SHOC1: variants seen among roughly 807,000 people sequenced by gnomAD.
SHOC1 encodes the protein shortage in chiasmata 1.
In SHOC1, 136 loss-of-function variants were observed where a neutral mutation model predicts 179.2. The ratio of observed to expected loss-of-function variants is 0.76; its 90% CI spans 0.66 to 0.87. The LOEUF is 0.87. Among genes scored for constraint, SHOC1 ranks in the 40% least tolerant of loss-of-function variants. The pLI, the probability that SHOC1 is intolerant of heterozygous loss-of-function variation, is 0.00. For missense variants in SHOC1, 1,538 were observed against 1,700.8 expected (o/e 0.90, Z 1.68); for synonymous variants, 489 against 586.6 (o/e 0.83, Z 2.41).
At chr9:111,710,675 G>T (rs11795136) in intron 18 of SHOC1, among the ~76,000 whole-genome samples, 29,376 of 151,988 alleles carry the variant, frequency 0.19, 2,990 homozygotes, top group Non-Finnish European at 0.22. Context: ...GTGGGAAGTG[G>T]TGCCTTAGAA....
At chr9:111,694,623 G>A (rs1831606942) in intron 24 of SHOC1, among the ~76,000 whole-genome samples, 1 of 151,812 alleles carries the variant, frequency 6.6e-6, no homozygotes, top group Non-Finnish European at 1.5e-5. Context: ...TTTATTAACA[G>A]AGTCATTAAA....
At chr9:111,747,953 G>GA (rs1419816437) in intron 9 of SHOC1, 139 bp downstream of exon 9, 32 of 531,726 alleles carry the variant, frequency 6.0e-5, no homozygotes, top group Admixed American at 4.6e-4. Flanking sequence ...GAGCAAATAA[G>GA]AAAAAATGAC....
chr9:111,789,053 C>T (rs1305410272), intron 2 of SHOC1, among the ~76,000 whole-genome samples: 1 of 152,222 alleles, frequency 6.6e-6, no homozygotes. Flanking sequence ...AACAATATCT[C>T]TTCTATGAAG....
Position 111,692,420 on chromosome 9 carries a change from TG to T in SHOC1, c.3556del (p.Gln1186ArgfsTer14). 1 of 1,611,760 alleles carries T rather than the reference TG, an allele frequency of 6.2e-7. No individual in the cohort carries two copies. The highest frequency in any genetic ancestry group is 8.5e-7 in the Non-Finnish European group (1 of 1,178,898). On this transcript the variant is annotated frameshift_variant, in exon 27 of 28. Coordinates refer to ENST00000682961, the MANE Select transcript of SHOC1 (RefSeq NM_001378211.1). LOFTEE classifies it high-confidence loss of function. ...QISSPQENRNQISTLSSQSSA... is the reference protein window; with the variant it reads ...QISSPQENRNXISTLSSQSSA... ...ACTTTGAGAAGACAAGGTACTAATC[TG>T]ATTCCTATTTTCCTGAGGTGACGAA...
chr9:111,758,196 C>A lies in SHOC1; in HGVS notation c.597-1G>T. 1 of 1,514,796 alleles carries A rather than the reference C, an allele frequency of 6.6e-7. No homozygotes were observed. Among genetic ancestry groups the A allele is most frequent in the East Asian group, 2.3e-5 (1 of 43,656 alleles). 93.8% of individuals were successfully genotyped at this position (1,514,796 alleles called of 1,614,324 possible). ...AGTTTCTTGAAGAGAGAAACATTCCCTTAAAAAAAAATACATTAATTAGTG... is the reference window on the plus strand; with the variant it reads ...AGTTTCTTGAAGAGAGAAACATTCCATTAAAAAAAAATACATTAATTAGTG... On this transcript the variant is annotated splice_acceptor_variant, in intron 6 of 27. Transcript: ENST00000682961. LOFTEE classifies it high-confidence loss of function.
In SHOC1 at chr9:111,736,608, A is replaced by G. The variant is rs140482251; in HGVS notation, c.1417+1672T>C. Among the ~76,000 whole-genome samples, 646 of 152,330 alleles carry G rather than the reference A, an allele frequency of 4.2e-3. 15 individuals carry two copies. The highest frequency in any genetic ancestry group is 0.034 in the Admixed American group (523 of 15,294). Reference sequence around the variant, plus strand: ...TACATGTGAGACCTTAAACTATAAGAATCATAGAGGAAAACCTAGGAAACA... The same window carrying G: ...TACATGTGAGACCTTAAACTATAAGGATCATAGAGGAAAACCTAGGAAACA... On this transcript the variant is annotated intron_variant, in intron 12 of 27. Transcript: ENST00000682961.
rs1208009336 is a variant in SHOC1, at chr9:111,740,215, T to A, written c.1174+1261A>T. 2.0e-5 allele frequency among the ~76,000 whole-genome samples: 3 copies of A among 152,230 alleles called. No individual in the cohort carries two copies. The East Asian group carries it at 5.8e-4, about 29-fold the overall frequency. ...GTAGTTTGTTGAATTCCCAGTTTTA[T>A]GTAGGGGTCCCCTATCAGACCCTCC... is the stretch of plus-strand genomic sequence containing the variant. On this transcript the variant is annotated intron_variant, in intron 11 of 27. Coordinates refer to ENST00000682961, the MANE Select transcript of SHOC1 (RefSeq NM_001378211.1).
chr9:111,742,941 C>T (rs1024799676), intron 10 of SHOC1, among the ~76,000 whole-genome samples: 3 of 152,172 alleles, frequency 2.0e-5, no homozygotes, highest in Admixed American at 6.5e-5. Flanking sequence ...TCACTCTTAA[C>T]GGAGCTTTCT....
chr9:111,715,529 A>C (rs910631558), intron 16 of SHOC1, among the ~76,000 whole-genome samples: 10 of 152,108 alleles, frequency 6.6e-5, no homozygotes, highest in African/African-American at 1.9e-4. Context: ...TTGAAAAATA[A>C]ATGTAATCCA....
chr9:111,747,307 T>C (rs1277828265), intron 9 of SHOC1, among the ~76,000 whole-genome samples: 1 of 152,114 alleles, frequency 6.6e-6, no homozygotes, highest in African/African-American at 2.4e-5. Context: ...ACTTTGGCAT[T>C]GTACTGGAAC....
chr9:111,714,545 A>G lies in SHOC1; in HGVS notation c.2315T>C (p.Ile772Thr), dbSNP rs780884055. 10 of 1,613,926 alleles carry G rather than the reference A, an allele frequency of 6.2e-6. No homozygotes were observed. Among genetic ancestry groups the G allele is most frequent in the Middle Eastern group, 1.7e-4 (1 of 6,058 alleles). ...CTTTTTCCCCCTAATAAACTGTACA[A>G]TCTCCAGCTGTCTCCAAATGTCACC... is the stretch of plus-strand genomic sequence containing the variant. ...YLGDIWRQLE[I>T]VQFIRGKKPE... The change falls in exon 17 of 28, where the codon ATT becomes ACT. Residue 772 changes from isoleucine to threonine, a missense_variant. Coordinates refer to ENST00000682961, the MANE Select transcript of SHOC1 (RefSeq NM_001378211.1).
intron 2 of SHOC1, among the ~76,000 whole-genome samples, chr9:111,789,995 CA>C (rs1836394926): frequency 6.6e-6 from 1 of 151,882 alleles, no homozygotes; most frequent in Non-Finnish European, 1.5e-5. Context: ...GTCAGTGTTA[CA>C]AAGAAAAAAA....
intron 12 of SHOC1, among the ~76,000 whole-genome samples, chr9:111,735,473 T>C (rs1699921667): frequency 1.3e-5 from 2 of 152,164 alleles, no homozygotes; most frequent in Non-Finnish European, 2.9e-5. Flanking sequence ...CTGAGAATGA[T>C]GGTTTCCAGC....
intron 26 of SHOC1, among the ~76,000 whole-genome samples, chr9:111,693,424 A>C (rs1239960404): frequency 9.5e-6 from 1 of 104,814 alleles, no homozygotes; most frequent in African/African-American, 1.1e-4. Flanking sequence ...GTTTCTACAA[A>C]AAAAAAAAAA....
intron 4 of SHOC1, among the ~76,000 whole-genome samples, chr9:111,780,068 T>C (rs574057435): frequency 3.9e-5 from 6 of 152,360 alleles, no homozygotes; most frequent in African/African-American, 1.4e-4. Flanking sequence ...GGTCATCCTA[T>C]ATTACCATTT....
At chr9:111,698,938 T>C (rs1040856637) in intron 24 of SHOC1, among the ~76,000 whole-genome samples, 1 of 152,092 alleles carries the variant, frequency 6.6e-6, no homozygotes, top group Admixed American at 6.6e-5. Context: ...GAAATTCAAA[T>C]CAACAGCAAA....
At chr9:111,757,335 C>T (rs1178631319) in intron 7 of SHOC1, among the ~76,000 whole-genome samples, 3 of 152,282 alleles carry the variant, frequency 2.0e-5, no homozygotes, top group South Asian at 4.1e-4. Flanking sequence ...ATCTCCTGAC[C>T]TCGTGATCTG....
chr9:111,781,090 A>G, intron 3 of SHOC1, 73 bp from the exon 4 acceptor site: 1 of 947,628 alleles, frequency 1.1e-6, no homozygotes, highest in Middle Eastern at 2.1e-4. Context: ...CCAAACATTC[A>G]CCTTTTACAT....
chr9:111,773,410 T>A (rs955895583), intron 5 of SHOC1, among the ~76,000 whole-genome samples: 1 of 152,080 alleles, frequency 6.6e-6, no homozygotes, highest in African/African-American at 2.4e-5. Flanking sequence ...CCTCCCAGGT[T>A]CAAGTGATTC....
Sources: gnomAD v4.1 joint callset for allele counts (sites outside exome capture counted in the v4.1 genomes callset) on GRCh38, gnomAD v4.1.1 for gene constraint, MANE v1.5 for transcripts, NCBI Gene and HGNC (gene_info 2026-07-23, HGNC 2026-07-21) for gene names.